The following SON variants were observed in gnomAD, a reference collection of about 807,000 sequenced individuals.
The protein encoded by SON is protein SON.
Under a neutral mutation model 173.3 loss-of-function variants are expected in SON, and 4 were observed. That is an observed-to-expected ratio of 0.02 (90% confidence interval 0.01 to 0.05). The LOEUF (loss-of-function observed/expected upper bound fraction) is 0.05, where lower values mean the gene tolerates loss of function less well. Among genes scored for constraint, SON ranks in the 10% least tolerant of loss-of-function variants. The pLI is 1.00. For synonymous variants in SON, 1,190 were observed against 1,105.9 expected, an observed-to-expected ratio of 1.08 and a Z score of -1.51; for missense variants, 2,626 against 3,055.3, an observed-to-expected ratio of 0.86 and a Z score of 3.31.
At chr21:33,568,845 A>G in intron 7 of SON, 126 bp from the exon 8 acceptor site, 2 of 593,822 alleles carry the variant, frequency 3.4e-6, no homozygotes, top group Non-Finnish European at 6.1e-6. Flanking sequence ...CAAACATTTA[A>G]TGTTAAATAT....
At chr21:33,568,877 A>G (rs989716759) in intron 7 of SON, 94 bp from the exon 8 acceptor site, 7 of 689,310 alleles carry the variant, frequency 1.0e-5, no homozygotes, top group Non-Finnish European at 1.8e-5. Flanking sequence ...TAAATATTTA[A>G]GTCTGCTTTT....
At position 33,557,198 on chromosome 21, in the gene SON, C is replaced by T; in HGVS notation, c.6203C>T (p.Ala2068Val). The T allele has an allele frequency of 6.2e-7, 1 of 1,612,612 alleles. No homozygotes were observed. Among genetic ancestry groups the T allele is most frequent in the Non-Finnish European group, 8.5e-7 (1 of 1,179,774 alleles). Residue 2068 changes from alanine to valine, a missense_variant, in exon 4 of 12, where the codon GCC (alanine) becomes GTC (valine). Physicochemically the swap from Ala to Val is moderately conservative, Grantham distance 64. Transcript: ENST00000356577. ...GAAATAGCCAAAGCTAATGCAGCTG[C>T]CATGTGTGCTAAGGCTGGTGTCCCT... Reference protein sequence around the residue: ...LLEIAKANAAAMCAKAGVPLP... With the variant: ...LLEIAKANAAVMCAKAGVPLP...
At position 33,575,580 on chromosome 21, in the gene SON, C is replaced by T. The variant is rs1233738048; in HGVS notation, c.7034-16C>T. On this transcript the variant is annotated splice_polypyrimidine_tract_variant and intron_variant, in intron 9 of 11. Coordinates refer to ENST00000356577, the MANE Select transcript of SON (RefSeq NM_138927.4). Reference sequence around the variant, plus strand: ...GGTGCTTTGAAATTTATTTAGTGAACAATTTTTTTTTAAAGGTCTTGTTGC... The same window carrying T: ...GGTGCTTTGAAATTTATTTAGTGAATAATTTTTTTTTAAAGGTCTTGTTGC... The T allele has an allele frequency of 1.9e-6, 3 of 1,596,396 alleles. No homozygotes were observed. Among genetic ancestry groups the T allele is most frequent in the East Asian group, 2.2e-5 (1 of 44,750 alleles).
At chr21:33,562,082 T>C (rs2086080217) in intron 6 of SON, among the ~76,000 whole-genome samples, 1 of 152,206 alleles carries the variant, frequency 6.6e-6, no homozygotes, top group Non-Finnish European at 1.5e-5. Flanking sequence ...ATCTGCACTT[T>C]TACCTGGCAA....
intron 7 of SON, chr21:33,567,482 TTTC>T: frequency 1.9e-6 from 1 of 526,376 alleles, no homozygotes; most frequent in Non-Finnish European, 3.5e-6. Flanking sequence ...GCAGGAACTG[TTTC>T]TTGAGAGAAC....
Position 33,543,385 on chromosome 21 carries a change from C to T in SON, c.77+216C>T, listed in dbSNP as rs1338218173. The T allele has an allele frequency of 2.0e-5, 12 of 596,750 alleles. No homozygotes were observed. The Admixed American group carries it at 3.5e-4, about 18-fold the overall frequency. 37.0% of individuals were successfully genotyped at this position (596,750 alleles called of 1,614,324 possible). On this transcript the variant is annotated intron_variant, in intron 1 of 11. Transcript: ENST00000356577. ...GAACTTCGCCTTTTCCGAGGTAACC[C>T]AAGACTCCCTGTTTCAGAACCGAGT...
rs879138784 is a variant in SON, at chr21:33,551,775, C to G, written c.2544C>G (p.Thr848=). ...TSTMDSQMLA[T]STMDSQMLAT... ...CCATGGATTCTCAGATGTTAGCAAC[C>G]AGCACCATGGACTCCCAGATGTTAG... The change falls in exon 3 of 12, where the codon ACC becomes ACG. Residue 848 remains threonine (T), a synonymous_variant. Coordinates refer to ENST00000356577, the MANE Select transcript of SON (RefSeq NM_138927.4). 2 of 1,609,980 alleles carry G rather than the reference C, an allele frequency of 1.2e-6. No individual in the cohort carries two copies. The highest frequency in any genetic ancestry group is 2.7e-5 in the African/African-American group (2 of 73,722).
chr21:33,550,785 G>T lies in SON; in HGVS notation c.1554G>T (p.Gly518=), dbSNP rs747899830. ...CGACAGAGTTGGAGCAGCCTGTGGG[G>T]ATGACAACGGTGGAACATCCTGGGC... is the stretch of plus-strand genomic sequence containing the variant. ...VTTTELEQPV[G]MTTVEHPGHP... is the part of the protein sequence containing the mutation. The change falls in exon 3 of 12, where the codon GGG becomes GGT. Residue 518 remains glycine, a synonymous_variant. Transcript: ENST00000356577. 1.9e-6 allele frequency: 3 copies of T among 1,614,184 alleles called. No individual in the cohort carries two copies. Among genetic ancestry groups the T allele is most frequent in the Non-Finnish European group, 2.5e-6 (3 of 1,180,014 alleles).
At chr21:33,573,276 TG>T in intron 8 of SON, 31 bp from the exon 9 acceptor site, 1 of 1,575,950 alleles carries the variant, frequency 6.3e-7, no homozygotes, top group Non-Finnish European at 8.6e-7. Context: ...AACTGTAAAA[TG>T]GGGACATTTT....
intron 6 of SON, chr21:33,560,581 AAT>A (rs147980607): frequency 5.0e-4 from 417 of 831,986 alleles, no homozygotes; most frequent in Non-Finnish European, 5.6e-4. Flanking sequence ...TATATATGTA[AAT>A]ATATATATAT....
At chr21:33,565,405 TGA>T (rs930060482) in intron 6 of SON, among the ~76,000 whole-genome samples, 1 of 152,128 alleles carries the variant, frequency 6.6e-6, no homozygotes, top group Non-Finnish European at 1.5e-5. Flanking sequence ...AAAGTAAGTG[TGA>T]GAAGGTTAAT....
At chr21:33,567,121 G>A in intron 6 of SON, 36 bp from the exon 7 acceptor site, 2 of 1,252,742 alleles carry the variant, frequency 1.6e-6, no homozygotes, top group Non-Finnish European at 2.3e-6. Context: ...GGGGACTATG[G>A]TAATTTGAGA....
chr21:33,554,688 C>T lies in SON; in HGVS notation c.5457C>T (p.Asp1819=), dbSNP rs369876571. Residue 1819 remains aspartate, a synonymous_variant, in exon 3 of 12, where the codon GAC becomes GAT. Coordinates refer to ENST00000356577, the MANE Select transcript of SON (RefSeq NM_138927.4). The part of the protein sequence containing the change: ...RDKGEKEKKR[D]SSLRSRSKRS... ...AGGGGGAGAAAGAGAAGAAAAGAGACTCTTCATTAAGATCTCGAAGTAAGC... is the reference window on the plus strand; with the variant it reads ...AGGGGGAGAAAGAGAAGAAAAGAGATTCTTCATTAAGATCTCGAAGTAAGC... 14 of 1,613,778 alleles carry T rather than the reference C, an allele frequency of 8.7e-6. No homozygotes were observed. The African/African-American group carries it at 1.6e-4, about 18-fold the overall frequency.
intron 9 of SON, among the ~76,000 whole-genome samples, chr21:33,574,557 A>G (rs887616765): frequency 1.3e-5 from 2 of 152,220 alleles, no homozygotes; most frequent in Non-Finnish European, 2.9e-5. Flanking sequence ...TGGAAACCTG[A>G]AATGCTTTAA....
Position 33,550,070 on chromosome 21 carries a change from A to C in SON, c.839A>C (p.Glu280Ala), listed in dbSNP as rs751782290. The C allele has an allele frequency of 5.9e-5, 95 of 1,614,042 alleles. No individual in the cohort carries two copies. Among genetic ancestry groups the C allele is most frequent in the Admixed American group, 1.7e-4 (10 of 60,010 alleles). The part of the protein sequence containing the change: ...YQMKSVLKSV[E>A]STSPEPSKIM... ...ATGAAGTCTGTGCTGAAATCTGTGG[A>C]GAGCACATCTCCAGAGCCATCAAAG... is the stretch of plus-strand genomic sequence containing the variant. The change falls in exon 3 of 12, where the codon GAG (glutamate) becomes GCG (alanine). Residue 280 changes from glutamate to alanine, a missense_variant. This residue lies in a region of SON where 757 missense variants were observed against 730.1 expected (regional missense o/e 1.04). Transcript: ENST00000356577.
chr21:33,559,049 T>A lies in SON; in HGVS notation c.6322-181T>A. On this transcript the variant is annotated intron_variant, in intron 4 of 11. Transcript: ENST00000356577. The surrounding 1 kb of genome is among the most constrained non-coding windows in gnomAD (Gnocchi z 4.1). ...ATAGTAGGTGCTCAATAAATGTTGT[T>A]GACTGACTGACCAGCCAGAGTGTGT... is the stretch of plus-strand genomic sequence containing the variant. The A allele has an allele frequency of 4.4e-6, 2 of 456,848 alleles. No individual in the cohort carries two copies. Among genetic ancestry groups the A allele is most frequent in the Non-Finnish European group, 3.8e-6 (1 of 261,212 alleles). The allele number at this position is 456,848 out of a possible 1,614,324, so 28.3% of individuals were successfully genotyped here.
chr21:33,545,616 G>T (rs2085596305), intron 1 of SON, among the ~76,000 whole-genome samples: 1 of 152,206 alleles, frequency 6.6e-6, no homozygotes, highest in African/African-American at 2.4e-5. Flanking sequence ...CTTGTTTTAT[G>T]TGAGTTTTAT....
rs373303618 is a variant in SON at position 33,550,017 on chromosome 21, A to G, written c.786A>G (p.Pro262=). The G allele has an allele frequency of 3.7e-6, 6 of 1,614,178 alleles. No individual in the cohort carries two copies. The highest frequency in any genetic ancestry group is 1.1e-5 in the South Asian group (1 of 91,090). ...CACTGGTGTTGAAGTCATCTGAGCC[A>G]GTTGTAACAATGTCAGTGGAGTATC... The part of the protein sequence containing the change: ...TTTLVLKSSE[P]VVTMSVEYQM... Residue 262 remains proline, a synonymous_variant, in exon 3 of 12, where the codon CCA becomes CCG. Coordinates refer to ENST00000356577, the MANE Select transcript of SON (RefSeq NM_138927.4).
At chr21:33,560,378 G>T in intron 6 of SON, 1 of 1,191,222 alleles carries the variant, frequency 8.4e-7, no homozygotes, top group South Asian at 3.3e-5. Context: ...GCTCAGCCTT[G>T]GTACTCCATT....
Sources: allele counts gnomAD v4.1 joint callset (sites outside exome capture counted in the v4.1 genomes callset), GRCh38; gene constraint gnomAD v4.1.1; regional missense constraint gnomAD v4.1.1; non-coding constraint Gnocchi (gnomAD v3.1); transcripts MANE v1.5; gene names NCBI Gene and HGNC (gene_info 2026-07-23, HGNC 2026-07-21).